The following PDE8B variants were observed in gnomAD, a reference collection of about 807,000 sequenced individuals.
PDE8B encodes phosphodiesterase 8B.
Under a neutral mutation model 101.3 loss-of-function variants are expected in PDE8B, and 26 were observed. The ratio of observed to expected loss-of-function variants is 0.26; its 90% CI spans 0.19 to 0.36. PDE8B has a LOEUF of 0.36. Ranked by LOEUF, PDE8B falls within the 10% of genes least tolerant of loss-of-function variation. The pLI is 1.00. For missense variants in PDE8B, 810 were observed against 1,163.1 expected (o/e 0.70, Z 4.42); for synonymous variants, 424 against 429.3 (o/e 0.99, Z 0.15).
At chr5:77,210,256 C>T (rs1561346890), upstream of PDE8B, among the ~76,000 whole-genome samples, 1 of 151,852 alleles carries the variant, frequency 6.6e-6, no homozygotes, top group Non-Finnish European at 1.5e-5. This position sits in a 1 kb window ranked among gnomAD's most constrained non-coding sequence, Gnocchi z 4.9. Context: ...CTCTGGACAG[C>T]GGAGGAGGAG....
intron 10 of PDE8B, among the ~76,000 whole-genome samples, chr5:77,376,152 T>C (rs930458744): frequency 6.6e-6 from 1 of 152,184 alleles, no homozygotes; most frequent in East Asian, 1.9e-4. Context: ...TCTCATTTCC[T>C]AGGATTTCTT....
chr5:77,109,802 G>T, the PDE8B span, among the ~76,000 whole-genome samples: 1 of 152,096 alleles, frequency 6.6e-6, no homozygotes, highest in Non-Finnish European at 1.5e-5. Flanking sequence ...TTAGTATCAT[G>T]CATTCTGAAG....
rs145490514 is a variant in PDE8B, at chr5:77,342,943, A to G, written c.798-1910A>G. Among the ~76,000 whole-genome samples, 519 of 152,326 alleles carry G rather than the reference A, an allele frequency of 3.4e-3. 1 individual carries two copies. Among genetic ancestry groups the G allele is most frequent in the Non-Finnish European group, 5.9e-3 (401 of 68,032 alleles). On this transcript the variant is annotated intron_variant, in intron 6 of 21. Coordinates refer to ENST00000264917, the MANE Select transcript of PDE8B (RefSeq NM_003719.5). ...CTGTTGCAAAAGGCCAGAATACCTCACATCCAATTTGGGCCCAGTTAAGTT... is the reference window on the plus strand; with the variant it reads ...CTGTTGCAAAAGGCCAGAATACCTCGCATCCAATTTGGGCCCAGTTAAGTT...
intron 10 of PDE8B, among the ~76,000 whole-genome samples, chr5:77,363,123 T>C (rs1783443583): frequency 6.6e-6 from 1 of 152,334 alleles, no homozygotes; most frequent in African/African-American, 2.4e-5. Context: ...CAAGTGCATT[T>C]CATACATTAA....
chr5:77,271,792 A>C (rs1056968830), intron 1 of PDE8B, among the ~76,000 whole-genome samples: 5 of 152,194 alleles, frequency 3.3e-5, no homozygotes. Flanking sequence ...GTCCTTATAC[A>C]TTCTCATCTG....
At chr5:77,132,996 A>G in the PDE8B span, among the ~76,000 whole-genome samples, 3 of 152,240 alleles carry the variant, frequency 2.0e-5, no homozygotes, top group African/African-American at 4.8e-5. Flanking sequence ...AAGTTCTGCC[A>G]TTCTCATTCA....
chr5:77,228,982 G>A (rs1271272637), intron 1 of PDE8B, among the ~76,000 whole-genome samples: 4 of 152,156 alleles, frequency 2.6e-5, no homozygotes, highest in Admixed American at 1.3e-4. Context: ...GAACGGTCTG[G>A]AATGATGTCC....
At chr5:77,418,558 G>A (rs570823896) in intron 18 of PDE8B, 112 bp downstream of exon 18, 1 of 768,544 alleles carries the variant, frequency 1.3e-6, no homozygotes, top group South Asian at 1.5e-5. Context: ...CACTGTACCA[G>A]ATGATAAAAT....
intron 10 of PDE8B, among the ~76,000 whole-genome samples, chr5:77,356,607 T>G (rs1442177569): frequency 1.3e-5 from 2 of 152,112 alleles, no homozygotes; most frequent in Non-Finnish European, 2.9e-5. Flanking sequence ...TTTTTGTATT[T>G]TTTGTGGAGA....
chr5:77,364,189 G>A (rs1319335341), intron 10 of PDE8B, among the ~76,000 whole-genome samples: 1 of 152,222 alleles, frequency 6.6e-6, no homozygotes, highest in Non-Finnish European at 1.5e-5. Flanking sequence ...GGTTGGGCAT[G>A]CAGTAATGTA....
chr5:77,291,839 T>C, intron 1 of PDE8B: 1 of 1,517,552 alleles, frequency 6.6e-7, no homozygotes, highest in Middle Eastern at 2.4e-4. Context: ...ATTTGAGGTG[T>C]TCGGCAGCTG....
At chr5:77,136,161 T>G in the PDE8B span, among the ~76,000 whole-genome samples, 1 of 152,210 alleles carries the variant, frequency 6.6e-6, no homozygotes, top group African/African-American at 2.4e-5. Context: ...TTTTCTATAT[T>G]ATTCTGTTTT....
chr5:77,100,428 G>A, the PDE8B span: 2 of 152,392 alleles, frequency 1.3e-5, no homozygotes, highest in South Asian at 4.1e-4. Context: ...ATCATACAGG[G>A]AAGGTGGGGA....
At chr5:77,191,319 T>G in the PDE8B span, among the ~76,000 whole-genome samples, 1 of 152,204 alleles carries the variant, frequency 6.6e-6, no homozygotes, top group South Asian at 2.1e-4. Context: ...AAAAATGAAT[T>G]TTATTGACGT....
chr5:77,125,014 A>G, the PDE8B span, among the ~76,000 whole-genome samples: 4 of 152,210 alleles, frequency 2.6e-5, no homozygotes, highest in African/African-American at 9.7e-5. Flanking sequence ...AAAAAGAGAC[A>G]GGGTCTTGCT....
chr5:77,106,150 T>C, the PDE8B span: 1 of 152,238 alleles, frequency 6.6e-6, no homozygotes, highest in African/African-American at 2.4e-5. Context: ...TGTTTTTCAA[T>C]GAGCAAAAAT....
At chr5:77,171,803 G>A in the PDE8B span, among the ~76,000 whole-genome samples, 3 of 152,272 alleles carry the variant, frequency 2.0e-5, no homozygotes, top group Admixed American at 1.3e-4. Context: ...GGGTTGCCGC[G>A]GAGGGATGGA....
At chr5:77,170,728 C>G in the PDE8B span, among the ~76,000 whole-genome samples, 1 of 152,094 alleles carries the variant, frequency 6.6e-6, no homozygotes, top group East Asian at 1.9e-4. Context: ...AATATTTCTC[C>G]TCAAATATAG....
chr5:77,247,487 G>C (rs1349690656), intron 1 of PDE8B, among the ~76,000 whole-genome samples: 1 of 152,200 alleles, frequency 6.6e-6, no homozygotes, highest in Non-Finnish European at 1.5e-5. Flanking sequence ...GTCCAGAGCA[G>C]GGGTCGAGCC....
Sources: gnomAD v4.1 joint callset for allele counts (sites outside exome capture counted in the v4.1 genomes callset) on GRCh38, gnomAD v4.1.1 for gene constraint, Gnocchi (gnomAD v3.1) non-coding constraint, MANE v1.5 for transcripts, NCBI Gene and HGNC (gene_info 2026-07-23, HGNC 2026-07-21) for gene names.